Variants in MTERF4 observed in about 807,000 individuals in gnomAD.
MTERF4 encodes the protein mitochondrial transcription termination factor 4, also known as transcription termination factor 4, mitochondrial.
A neutral mutation model predicts 22.5 loss-of-function variants in MTERF4; 17 were observed. The ratio of observed to expected loss-of-function variants is 0.75; its 90% confidence interval spans 0.52 to 1.13. MTERF4 has a LOEUF of 1.13. Among genes scored for constraint, MTERF4 ranks in the 50% most tolerant of loss-of-function variants. MTERF4 has a pLI of 0.00. For missense variants in MTERF4, 420 were observed against 466.8 expected (o/e 0.90, Z 0.92); for synonymous variants, 165 against 175.3 (o/e 0.94, Z 0.47).
chr2:241,095,879 A>C lies in MTERF4; in HGVS notation c.*119T>G. On this transcript the variant is annotated 3_prime_UTR_variant, in exon 4 of 4. Coordinates refer to ENST00000391980, the MANE Select transcript of MTERF4 (RefSeq NM_182501.4). ...GACTTATAATTTTTTTCATCAAGAG[A>C]CCAGTTTTAGAATAAAAAATAACTT... is the stretch of plus-strand genomic sequence containing the variant. 1 of 1,501,700 alleles carries C rather than the reference A, an allele frequency of 6.7e-7. No homozygotes were observed. Among genetic ancestry groups the C allele is most frequent in the Non-Finnish European group, 8.9e-7 (1 of 1,127,804 alleles). The allele number at this position is 1,501,700 out of a possible 1,614,324, so 93.0% of individuals were successfully genotyped here. A position where few individuals can be genotyped will look rare whatever the true frequency, so the allele number is the denominator to read the frequency against.
chr2:241,052,308 G>T, the MTERF4 span: 1 of 1,517,336 alleles, frequency 6.6e-7, no homozygotes, highest in Non-Finnish European at 9.0e-7. Flanking sequence ...ACAGTCCCGA[G>T]CCTTCAGGGA....
downstream of MTERF4, chr2:241,071,495 G>A: frequency 1.3e-6 from 2 of 1,484,634 alleles, no homozygotes; most frequent in Non-Finnish European, 1.8e-6. Context: ...TGAGTGTGAG[G>A]GGCACCACCC....
At chr2:241,094,741 C>A (rs958544555), downstream of MTERF4, 1 of 189,382 alleles carries the variant, frequency 5.3e-6, no homozygotes, top group Non-Finnish European at 1.1e-5. The surrounding 1 kb of genome is among the most constrained non-coding windows in gnomAD (Gnocchi z 4.3). Flanking sequence ...TTTCACAGCA[C>A]CCCTGGCCTC....
In MTERF4 at chr2:241,073,465, A is replaced by G. The variant is rs1481196188; in HGVS notation, n.2697T>C. Reference sequence around the variant, plus strand: ...GGACCACCCACGGTGAGGAATCAGGAGGCACAGAGCCTACCTGAGGGGAGG... The same window carrying G: ...GGACCACCCACGGTGAGGAATCAGGGGGCACAGAGCCTACCTGAGGGGAGG... On this transcript the variant is annotated non_coding_transcript_exon_variant, in exon 5 of 5. Coordinates refer to the MTERF4 transcript ENST00000464344. The surrounding 1 kb of genome is among the most constrained non-coding windows in gnomAD (Gnocchi z 6.6). The G allele has an allele frequency of 1.0e-6, 1 of 978,252 alleles. No individual in the cohort carries two copies. Among genetic ancestry groups the G allele is most frequent in the African/African-American group, 1.6e-5 (1 of 61,802 alleles). The allele number at this position is 978,252 out of a possible 1,614,324, so 60.6% of individuals were successfully genotyped here.
At chr2:241,059,449 AC>A in the MTERF4 span, among the ~76,000 whole-genome samples, 1 of 152,188 alleles carries the variant, frequency 6.6e-6, no homozygotes, top group Non-Finnish European at 1.5e-5. Flanking sequence ...TTCTCAACTC[AC>A]CTTGATACCA....
downstream of MTERF4, chr2:241,070,277 C>A: frequency 7.0e-7 from 1 of 1,421,920 alleles, no homozygotes; most frequent in Non-Finnish European, 9.4e-7. Flanking sequence ...CTGACCTGGC[C>A]CTGCAGGGGC....
downstream of MTERF4, among the ~76,000 whole-genome samples, chr2:241,067,559 C>G (rs1444698130): frequency 6.6e-6 from 1 of 152,202 alleles, no homozygotes; most frequent in African/African-American, 2.4e-5. Context: ...GTCATGCTCA[C>G]AGCGGGTTCT....
chr2:241,048,129 G>A, the MTERF4 span, among the ~76,000 whole-genome samples: 4 of 152,228 alleles, frequency 2.6e-5, no homozygotes, highest in Non-Finnish European at 4.4e-5. Flanking sequence ...AAGGAGCTGG[G>A]AGATGCTGAG....
the MTERF4 span, chr2:241,062,984 G>T: frequency 2.2e-6 from 2 of 919,008 alleles, no homozygotes; most frequent in Admixed American, 2.8e-5. Context: ...CCCCCGGACA[G>T]GTCTCTGTCT....
downstream of MTERF4, chr2:241,070,066 C>T: frequency 6.2e-7 from 1 of 1,613,096 alleles, no homozygotes; most frequent in Non-Finnish European, 8.5e-7. Flanking sequence ...CCGCTATGTC[C>T]CCAACGGGAA....
chr2:241,088,548 T>TCCCG, downstream of MTERF4: 1 of 681,684 alleles, frequency 1.5e-6, no homozygotes, highest in Non-Finnish European at 2.6e-6. Context: ...TGTTACAGAC[T>TCCCG]CCCGGGCAGG....
intron 2 of MTERF4, among the ~76,000 whole-genome samples, chr2:241,097,651 T>C (rs1481218016): frequency 6.6e-6 from 1 of 152,182 alleles, no homozygotes; most frequent in African/African-American, 2.4e-5. Context: ...CTTCCCTCCC[T>C]ATATTCCTGC....
At chr2:241,088,023 G>T, downstream of MTERF4, 1 of 402,678 alleles carries the variant, frequency 2.5e-6, no homozygotes, top group Non-Finnish European at 4.4e-6. Context: ...CAAGGCCGCA[G>T]CCTGCAGCTC....
At chr2:241,053,217 GGGCGCGGTGGCCCTGTATGCATGT>G in the MTERF4 span, 1 of 1,609,426 alleles carries the variant, frequency 6.2e-7, no homozygotes, top group East Asian at 2.2e-5. Context: ...GCACGCGGCT[GGGCGCGGTGGCCCTGTATGCATGT>G]GACCGTGGCT....
downstream of MTERF4, chr2:241,070,229 C>T (rs908880030): frequency 1.1e-5 from 18 of 1,577,090 alleles, no homozygotes; most frequent in Admixed American, 7.0e-5. Context: ...TGCGCGTGGG[C>T]GGGGCCAGTG....
At chr2:241,050,351 A>G in the MTERF4 span, among the ~76,000 whole-genome samples, 1 of 152,158 alleles carries the variant, frequency 6.6e-6, no homozygotes, top group Admixed American at 6.5e-5. Context: ...AGGCGTAGCT[A>G]TCCCCGCCAG....
chr2:241,070,072 G>A (rs370307059), downstream of MTERF4: 4 of 1,613,102 alleles, frequency 2.5e-6, no homozygotes, highest in Non-Finnish European at 3.4e-6. Flanking sequence ...TGTCCCCAAC[G>A]GGAAGCTGGC....
At position 241,099,800 on chromosome 2, in the gene MTERF4, AAAG is replaced by A; in HGVS notation, c.113_115del (p.Ser38del). On this transcript the variant is annotated inframe_deletion, in exon 2 of 4. Transcript: ENST00000391980. ...GGAGGCTGTAGTCAGTTTGCGCAAC[AAAG>A]AAGCTGTCGTCCTTCTCTGTTCTCC... The A allele has an allele frequency of 6.2e-7, 1 of 1,614,172 alleles. No homozygotes were observed. Among genetic ancestry groups the A allele is most frequent in the Non-Finnish European group, 8.5e-7 (1 of 1,180,032 alleles).
At chr2:241,068,969 G>A (rs745576086), downstream of MTERF4, 2 of 1,557,208 alleles carry the variant, frequency 1.3e-6, no homozygotes, top group South Asian at 2.4e-5. The surrounding 1 kb of genome is among the most constrained non-coding windows in gnomAD (Gnocchi z 5.3). Context: ...TGGGCTCAGG[G>A]GAGAGGAGCA....
Sources: gnomAD v4.1 joint callset for allele counts (sites outside exome capture counted in the v4.1 genomes callset) on GRCh38, gnomAD v4.1.1 for gene constraint, Gnocchi (gnomAD v3.1) non-coding constraint, MANE v1.5 for transcripts, NCBI Gene and HGNC (gene_info 2026-07-23, HGNC 2026-07-21) for gene names.